SUGCT: variants seen among roughly 807,000 people sequenced by gnomAD.
SUGCT encodes the protein succinyl-CoA:glutarate-CoA transferase, also known as succinyl-CoA:glutarate CoA-transferase.
SUGCT carries 41 observed loss-of-function variants against 55.0 expected under a neutral mutation model. That is an observed-to-expected ratio of 0.74 (90% CI 0.58 to 0.97). The LOEUF (loss-of-function observed/expected upper bound fraction) is 0.97, where lower values mean the gene tolerates loss of function less well. SUGCT is among the 50% of genes least tolerant of loss of function. The probability of loss-of-function intolerance (pLI) is 0.00; values close to 1 mark genes in which losing one functional copy is unlikely to be tolerated. For synonymous variants in SUGCT, 187 were observed against 200.4 expected, an observed-to-expected ratio of 0.93 and a Z score of 0.56; for missense variants, 568 against 547.8, an observed-to-expected ratio of 1.04 and a Z score of -0.37.
At chr7:40,913,476 G>C in the SUGCT span, among the ~76,000 whole-genome samples, 1 of 152,170 alleles carries the variant, frequency 6.6e-6, no homozygotes, top group Admixed American at 6.5e-5. Context: ...TCAATTTCAA[G>C]ATAAGTTTTC....
At chr7:40,290,263 A>G (rs892205434) in intron 8 of SUGCT, among the ~76,000 whole-genome samples, 2 of 152,240 alleles carry the variant, frequency 1.3e-5, no homozygotes, top group Non-Finnish European at 2.9e-5. Context: ...CTATATTACA[A>G]GGCTACAGTA....
chr7:41,016,214 G>A, the SUGCT span, among the ~76,000 whole-genome samples: 4,455 of 152,200 alleles, frequency 0.029, 225 homozygotes, highest in African/African-American at 0.1. Flanking sequence ...AGCTCTTCAC[G>A]GGAATACACT....
At chr7:40,390,851 G>C (rs1250125414) in intron 9 of SUGCT, among the ~76,000 whole-genome samples, 1 of 152,150 alleles carries the variant, frequency 6.6e-6, no homozygotes, top group Non-Finnish European at 1.5e-5. Context: ...AAAGAACAAA[G>C]CTGGAGGCAT....
chr7:40,604,733 G>A (rs1798445599), intron 12 of SUGCT, among the ~76,000 whole-genome samples: 1 of 152,212 alleles, frequency 6.6e-6, no homozygotes, highest in Non-Finnish European at 1.5e-5. Flanking sequence ...GTAAGGCCAA[G>A]TAGGAGTGAG....
At chr7:40,409,057 TG>T (rs1253150535) in intron 9 of SUGCT, among the ~76,000 whole-genome samples, 1 of 152,126 alleles carries the variant, frequency 6.6e-6, no homozygotes, top group African/African-American at 2.4e-5. Context: ...CAGGCTCAAG[TG>T]ATCCTCCCAC....
intron 1 of SUGCT, among the ~76,000 whole-genome samples, chr7:40,162,145 C>G (rs1584225147): frequency 6.6e-6 from 1 of 152,182 alleles, no homozygotes; most frequent in Middle Eastern, 3.2e-3. Context: ...ATCCGCCCGC[C>G]TCGGCCTCCC....
intron 6 of SUGCT, among the ~76,000 whole-genome samples, chr7:40,214,732 G>T (rs1435887943): frequency 6.6e-6 from 1 of 151,926 alleles, no homozygotes; most frequent in Non-Finnish European, 1.5e-5. Flanking sequence ...TGGACAATAT[G>T]GTGAAACCCC....
At chr7:40,294,137 G>A (rs560709999) in intron 8 of SUGCT, among the ~76,000 whole-genome samples, 7 of 151,906 alleles carry the variant, frequency 4.6e-5, no homozygotes, top group African/African-American at 1.4e-4. Context: ...TAGTAGAGAC[G>A]GGGTTTCACC....
intron 12 of SUGCT, among the ~76,000 whole-genome samples, chr7:40,594,182 C>T (rs1359076159): frequency 1.3e-5 from 2 of 151,534 alleles, no homozygotes; most frequent in Admixed American, 6.6e-5. Context: ...TGGTGGGGTG[C>T]GGGGAGAGGG....
At chr7:40,616,400 T>C (rs1298672603) in intron 12 of SUGCT, among the ~76,000 whole-genome samples, 1 of 152,190 alleles carries the variant, frequency 6.6e-6, no homozygotes, top group Non-Finnish European at 1.5e-5. Context: ...TTTGCCATGT[T>C]GGCCAGGCTG....
chr7:40,213,315 C>T (rs889382188), intron 6 of SUGCT, among the ~76,000 whole-genome samples: 7 of 152,066 alleles, frequency 4.6e-5, no homozygotes, highest in Admixed American at 4.6e-4. Flanking sequence ...TTTTTTTGAC[C>T]TTGACAGTTG....
At chr7:40,965,162 C>T in the SUGCT span, 1 of 152,182 alleles carries the variant, frequency 6.6e-6, no homozygotes, top group African/African-American at 2.4e-5. Flanking sequence ...TGTGAGGCCC[C>T]ACCAGCCTGA....
intron 12 of SUGCT, among the ~76,000 whole-genome samples, chr7:40,722,987 C>A (rs1051704539): frequency 1.6e-4 from 24 of 152,140 alleles, no homozygotes; most frequent in Non-Finnish European, 8.8e-5. Flanking sequence ...CTTCCGAGAT[C>A]AGCTAGCTTG....
intron 8 of SUGCT, among the ~76,000 whole-genome samples, chr7:40,308,359 G>T (rs938809412): frequency 3.9e-5 from 6 of 152,054 alleles, no homozygotes; most frequent in African/African-American, 1.4e-4. Context: ...CCTAGTTGAC[G>T]AATTAAGTAT....
the SUGCT span, among the ~76,000 whole-genome samples, chr7:40,935,830 CA>C: frequency 6.6e-6 from 1 of 152,094 alleles, no homozygotes; most frequent in Non-Finnish European, 1.5e-5. Context: ...AGCTATTTTC[CA>C]AACAGGCTGT....
intron 12 of SUGCT, among the ~76,000 whole-genome samples, chr7:40,637,326 A>G (rs903124051): frequency 6.6e-6 from 1 of 152,176 alleles, no homozygotes; most frequent in Non-Finnish European, 1.5e-5. Context: ...TAGTGAATAG[A>G]AGGTCCTTTG....
the SUGCT span, among the ~76,000 whole-genome samples, chr7:40,924,268 G>GTGTA: frequency 0.2 from 29,357 of 148,924 alleles, 3,217 homozygotes; most frequent in East Asian, 0.29. Context: ...TCAATTACGT[G>GTGTA]TGTGTGTGTG....
intron 12 of SUGCT, among the ~76,000 whole-genome samples, chr7:40,631,473 A>C (rs1303462345): frequency 6.6e-6 from 1 of 152,232 alleles, no homozygotes; most frequent in Non-Finnish European, 1.5e-5. Context: ...GTTTTCACTC[A>C]TCAAAGAACT....
At chr7:40,309,637 G>A (rs987438971) in intron 8 of SUGCT, among the ~76,000 whole-genome samples, 1 of 152,080 alleles carries the variant, frequency 6.6e-6, no homozygotes, top group African/African-American at 2.4e-5. Context: ...ATAAGGTGCT[G>A]ACTGACACTG....
Sources: allele counts gnomAD v4.1 joint callset (sites outside exome capture counted in the v4.1 genomes callset), GRCh38; gene constraint gnomAD v4.1.1; transcripts MANE v1.5; gene names NCBI Gene and HGNC (gene_info 2026-07-23, HGNC 2026-07-21).